RBFOX1: variants seen among roughly 807,000 people sequenced by gnomAD.
The protein encoded by RBFOX1 is RNA binding protein fox-1 homolog 1.
In RBFOX1, 8 loss-of-function variants were observed where a neutral mutation model predicts 57.7. The observed-to-expected ratio is 0.14, with a 90% CI of 0.08 to 0.25. The LOEUF is 0.25. RBFOX1 is among the 10% of genes least tolerant of loss of function. The pLI is 1.00. For missense variants in RBFOX1, 611 were observed against 548.5 expected (o/e 1.11, Z -1.14); for synonymous variants, 326 against 222.4 (o/e 1.47, Z -4.15).
chr16:5,818,652 C>T (rs1188053550), intron 3 of RBFOX1, among the ~76,000 whole-genome samples: 1 of 152,150 alleles, frequency 6.6e-6, no homozygotes, highest in East Asian at 1.9e-4. Context: ...CCCTTGTTTT[C>T]AAAAAGTTGT....
chr16:7,015,263 T>C (rs1434501938), intron 3 of RBFOX1, among the ~76,000 whole-genome samples: 1 of 152,152 alleles, frequency 6.6e-6, no homozygotes, highest in Admixed American at 6.6e-5. Context: ...GGTGAGCATA[T>C]GGCCTGGGAC....
At chr16:7,032,286 AC>A (rs1373033261) in intron 3 of RBFOX1, among the ~76,000 whole-genome samples, 1 of 151,822 alleles carries the variant, frequency 6.6e-6, no homozygotes, top group African/African-American at 2.4e-5. Flanking sequence ...CAAAAACAAA[AC>A]AAAAAAATTT....
chr16:7,424,502 C>G (rs886124639), intron 4 of RBFOX1, among the ~76,000 whole-genome samples: 1 of 152,180 alleles, frequency 6.6e-6, no homozygotes, highest in African/African-American at 2.4e-5. Context: ...TCATGTGATC[C>G]ACCCACCTCG....
chr16:7,414,977 A>G (rs1042113827), intron 4 of RBFOX1, among the ~76,000 whole-genome samples: 2 of 152,220 alleles, frequency 1.3e-5, no homozygotes, highest in Non-Finnish European at 2.9e-5. Flanking sequence ...CCAACATTAC[A>G]GATGAGGGGA....
chr16:7,557,960 C>A lies in RBFOX1; in HGVS notation c.271-21817C>A, dbSNP rs554846547. On this transcript the variant is annotated intron_variant, in intron 5 of 15. Coordinates refer to ENST00000550418, the MANE Select transcript of RBFOX1 (RefSeq NM_018723.4). ...ACGCAGTATTTCCACCATCCAGATACTCTAAACAAACAAACAAAAAACCTC... is the reference window on the plus strand; with the variant it reads ...ACGCAGTATTTCCACCATCCAGATAATCTAAACAAACAAACAAAAAACCTC... 2.6e-5 allele frequency among the ~76,000 whole-genome samples: 4 copies of A among 152,274 alleles called. No homozygotes were observed. In the South Asian group the frequency reaches 6.2e-4, roughly 24 times the overall value.
intron 2 of RBFOX1, among the ~76,000 whole-genome samples, chr16:6,487,441 A>C (rs1176385557): frequency 1.3e-5 from 2 of 151,868 alleles, no homozygotes. Context: ...TAGCAAATGT[A>C]AATAGGATCA....
chr16:7,643,555 T>A (rs1019325918), intron 11 of RBFOX1, among the ~76,000 whole-genome samples: 1 of 152,212 alleles, frequency 6.6e-6, no homozygotes, highest in African/African-American at 2.4e-5. Context: ...GAGCTCATCA[T>A]TGTGACAGTA....
intron 3 of RBFOX1, among the ~76,000 whole-genome samples, chr16:6,707,906 T>C (rs2063052286): frequency 6.6e-6 from 1 of 152,168 alleles, no homozygotes. Flanking sequence ...AGAGAGGGAC[T>C]TAGGGGAAGA....
chr16:6,822,917 C>G (rs559561765), intron 3 of RBFOX1, among the ~76,000 whole-genome samples: 1 of 152,174 alleles, frequency 6.6e-6, no homozygotes, highest in African/African-American at 2.4e-5. Flanking sequence ...GTGCGTGCTG[C>G]TGCAGCAGAG....
At chr16:7,027,730 A>G (rs2041405700) in intron 3 of RBFOX1, among the ~76,000 whole-genome samples, 1 of 152,180 alleles carries the variant, frequency 6.6e-6, no homozygotes. Flanking sequence ...CCAGTAAAAC[A>G]AATAGACTTC....
At chr16:5,418,073 C>G (rs2067207691) in intron 1 of RBFOX1, among the ~76,000 whole-genome samples, 2 of 116,654 alleles carry the variant, frequency 1.7e-5, no homozygotes, top group African/African-American at 3.5e-5. Context: ...AAGAGCAAAA[C>G]TCCATCTCAA....
chr16:7,361,934 GTA>G (rs777742507), intron 4 of RBFOX1, among the ~76,000 whole-genome samples: 3 of 151,472 alleles, frequency 2.0e-5, no homozygotes, highest in East Asian at 3.9e-4. Flanking sequence ...GTGTTAGTGT[GTA>G]TGTGTGTGCA....
intron 3 of RBFOX1, among the ~76,000 whole-genome samples, chr16:6,878,243 G>A (rs747672593): frequency 2.0e-5 from 3 of 152,182 alleles, no homozygotes; most frequent in South Asian, 4.1e-4. Flanking sequence ...TCCCTGCTGA[G>A]CACTGCTTGA....
intron 2 of RBFOX1, among the ~76,000 whole-genome samples, chr16:6,440,247 T>C (rs1224144826): frequency 2.6e-5 from 4 of 152,002 alleles, no homozygotes; most frequent in African/African-American, 9.7e-5. Flanking sequence ...TAAATATACA[T>C]GTATTGATGA....
intron 14 of RBFOX1, among the ~76,000 whole-genome samples, chr16:7,690,979 T>C (rs2147392633): frequency 6.6e-6 from 1 of 152,220 alleles, no homozygotes; most frequent in East Asian, 1.9e-4. Flanking sequence ...CACTTACCGA[T>C]TGATGAAAGC....
intron 5 of RBFOX1, among the ~76,000 whole-genome samples, chr16:7,571,692 G>A (rs759675050): frequency 2.6e-5 from 4 of 152,148 alleles, no homozygotes; most frequent in Non-Finnish European, 4.4e-5. Context: ...TGGTCCTAAT[G>A]AGCTTATCAG....
At chr16:6,800,570 G>T (rs184439374) in intron 3 of RBFOX1, among the ~76,000 whole-genome samples, 6 of 152,140 alleles carry the variant, frequency 3.9e-5, no homozygotes, top group African/African-American at 1.4e-4. Flanking sequence ...CTTCTAGAGG[G>T]CCCGGTAATC....
chr16:6,254,455 C>T (rs541841044), intron 1 of RBFOX1, among the ~76,000 whole-genome samples: 2 of 152,242 alleles, frequency 1.3e-5, no homozygotes, highest in South Asian at 2.1e-4. Flanking sequence ...TTTTCAAAGG[C>T]AGAGTAGCAG....
At chr16:6,516,801 G>C (rs901444538) in intron 2 of RBFOX1, among the ~76,000 whole-genome samples, 3 of 152,254 alleles carry the variant, frequency 2.0e-5, no homozygotes, top group Middle Eastern at 3.4e-3. Flanking sequence ...TTCACCAATA[G>C]TTGGTAGAGA....
Sources: gnomAD v4.1 joint callset for allele counts (sites outside exome capture counted in the v4.1 genomes callset) on GRCh38, gnomAD v4.1.1 for gene constraint, MANE v1.5 for transcripts, NCBI Gene and HGNC (gene_info 2026-07-23, HGNC 2026-07-21) for gene names.